ST14: variants seen among roughly 807,000 people sequenced by gnomAD.
ST14 encodes suppressor of tumorigenicity 14 protein.
Under a neutral mutation model 96.5 loss-of-function variants are expected in ST14, and 40 were observed. That is an observed-to-expected ratio of 0.41 (90% CI 0.32 to 0.54). The LOEUF (loss-of-function observed/expected upper bound fraction) is 0.54. ST14 is among the 20% of genes least tolerant of loss of function. ST14 has a pLI of 0.17. For synonymous variants in ST14, 506 were observed against 492.1 expected (o/e 1.03, Z -0.37); for missense variants, 1,066 against 1,188.9 (o/e 0.90, Z 1.52).
chr11:130,196,609 C>T lies in ST14; in HGVS notation c.1263C>T (p.Asn421=). ...GERSQFVVTS[N]SNKITVRFHS... The stretch of plus-strand genomic sequence containing the variant: ...GGTCCCAGTTCGTCGTCACCAGCAA[C>T]AGCAACAAGATCACAGTTCGCTTCC... Residue 421 remains asparagine, a synonymous_variant, in exon 11 of 19, where the codon AAC becomes AAT. Coordinates refer to ENST00000278742, the MANE Select transcript of ST14 (RefSeq NM_021978.4). The T allele has an allele frequency of 1.2e-6, 2 of 1,611,644 alleles. No homozygotes were observed. The highest frequency in any genetic ancestry group is 1.7e-6 in the Non-Finnish European group (2 of 1,179,144).
intron 8 of ST14, 37 bp downstream of exon 8, chr11:130,194,325 G>T (rs373259520): frequency 3.1e-6 from 5 of 1,613,494 alleles, no homozygotes; most frequent in Non-Finnish European, 4.2e-6. Context: ...CTGCCCTCGG[G>T]CCACAGAGAA....
Position 130,190,660 on chromosome 11 carries a change from ACCCTGAGC to A in ST14, c.845_852del (p.Leu282HisfsTer37). Reference sequence around the variant, plus strand: ...CAGCGACCTGGTGACGGTGTACAACACCCTGAGCCCCATGGAGCCCCACGCCCTGGTGC... The same window carrying A: ...CAGCGACCTGGTGACGGTGTACAACACCCATGGAGCCCCACGCCCTGGTGC... On this transcript the variant is annotated frameshift_variant, in exon 7 of 19. Transcript: ENST00000278742. LOFTEE classifies it high-confidence loss of function. 1 of 1,601,618 alleles carries A rather than the reference ACCCTGAGC, an allele frequency of 6.2e-7. No homozygotes were observed. Among genetic ancestry groups the A allele is most frequent in the Non-Finnish European group, 8.5e-7 (1 of 1,174,876 alleles).
At chr11:130,190,389 G>A in intron 6 of ST14, 65 bp from the exon 7 acceptor site, 1 of 1,597,388 alleles carries the variant, frequency 6.3e-7, no homozygotes, top group Non-Finnish European at 8.5e-7. Context: ...CGGGGTCTCA[G>A]GGTCCTCCCC....
intron 4 of ST14, 191 bp from the exon 5 acceptor site, chr11:130,189,548 C>A: frequency 1.5e-6 from 1 of 684,870 alleles, no homozygotes; most frequent in Non-Finnish European, 2.4e-6. Context: ...ACTGTGAGAG[C>A]AGAGGGCAAA....
In ST14 at chr11:130,194,184, C is replaced by T. The variant is rs150142904; in HGVS notation, c.911C>T (p.Thr304Ile). ...ACCTACCCTCCCTCCTACAACCTGACCTTCCACTCCTCCCAGAACGTCCTG... is the reference window on the plus strand; with the variant it reads ...ACCTACCCTCCCTCCTACAACCTGATCTTCCACTCCTCCCAGAACGTCCTG... ...CGTYPPSYNL[T>I]FHSSQNVLLI... Residue 304 changes from threonine (T) to isoleucine (I), a missense_variant, in exon 8 of 19, where the codon ACC (threonine) becomes ATC (isoleucine). Thr to Ile is a moderately conservative substitution (Grantham distance 89, BLOSUM62 -1). Coordinates refer to ENST00000278742, the MANE Select transcript of ST14 (RefSeq NM_021978.4). 1 of 1,614,122 alleles carries T rather than the reference C, an allele frequency of 6.2e-7. No individual in the cohort carries two copies. Among genetic ancestry groups the T allele is most frequent in the Non-Finnish European group, 8.5e-7 (1 of 1,180,048 alleles).
chr11:130,199,194 G>T (rs1953402787), intron 15 of ST14, 125 bp downstream of exon 15: 1 of 1,082,632 alleles, frequency 9.2e-7, no homozygotes, highest in East Asian at 2.7e-5. Flanking sequence ...GGGTGAGAGG[G>T]TGTGTCTCCT....
At position 130,194,166 on chromosome 11, in the gene ST14, C is replaced by G. The variant is rs772021263; in HGVS notation, c.893C>G (p.Pro298Arg). Residue 298 changes from proline (P) to arginine (R), a missense_variant, in exon 8 of 19, where the codon CCT becomes CGT. Coordinates refer to ENST00000278742, the MANE Select transcript of ST14 (RefSeq NM_021978.4). Reference sequence around the variant, plus strand: ...CCCCACAGGTTGTGTGGCACCTACCCTCCCTCCTACAACCTGACCTTCCAC... The same window carrying G: ...CCCCACAGGTTGTGTGGCACCTACCGTCCCTCCTACAACCTGACCTTCCAC... ...HALVQLCGTY[P>R]PSYNLTFHSS... 1 of 1,614,208 alleles carries G rather than the reference C, an allele frequency of 6.2e-7. No homozygotes were observed. The highest frequency in any genetic ancestry group is 8.5e-7 in the Non-Finnish European group (1 of 1,180,030).
intron 11 of ST14, among the ~76,000 whole-genome samples, chr11:130,197,161 A>G (rs1266540877): frequency 6.6e-6 from 1 of 152,236 alleles, no homozygotes; most frequent in Non-Finnish European, 1.5e-5. Context: ...GCGTCATAGA[A>G]TAACCTTGGG....
intron 10 of ST14, 48 bp downstream of exon 10, chr11:130,196,496 A>G (rs1591891788): frequency 1.9e-6 from 3 of 1,573,598 alleles, no homozygotes; most frequent in South Asian, 1.1e-5. Context: ...CTGCAGGGGG[A>G]GGGGTCCCAC....
In ST14 at chr11:130,180,430, T is replaced by C. The variant is rs533522092; in HGVS notation, c.82-7684T>C. Among the ~76,000 whole-genome samples the C allele has an allele frequency of 1.1e-4, 16 of 152,354 alleles. No individual in the cohort carries two copies. In the East Asian group the frequency reaches 3.1e-3, roughly 29 times the overall value. Reference sequence around the variant, plus strand: ...GAAGCTTCATTTTTCCCTGTCTGCTTTGGTTGGAATCTTGTGTGGCTTTGT... The same window carrying C: ...GAAGCTTCATTTTTCCCTGTCTGCTCTGGTTGGAATCTTGTGTGGCTTTGT... On this transcript the variant is annotated intron_variant, in intron 1 of 18. Coordinates refer to ENST00000278742, the MANE Select transcript of ST14 (RefSeq NM_021978.4).
intron 16 of ST14, among the ~76,000 whole-genome samples, chr11:130,205,952 C>T (rs914644644): frequency 4.6e-5 from 7 of 152,102 alleles, no homozygotes; most frequent in African/African-American, 1.7e-4. Context: ...TCGCCTGGGG[C>T]TCCCAAAGTG....
At chr11:130,192,362 G>T (rs868527377) in intron 7 of ST14, among the ~76,000 whole-genome samples, 1 of 152,162 alleles carries the variant, frequency 6.6e-6, no homozygotes, top group South Asian at 2.1e-4. Flanking sequence ...AAAGTCACTC[G>T]TCATCTTACT....
chr11:130,161,676 C>T (rs572364956), intron 1 of ST14, among the ~76,000 whole-genome samples: 81 of 152,308 alleles, frequency 5.3e-4, no homozygotes, highest in Non-Finnish European at 9.4e-4. Flanking sequence ...TCCTCCTCTG[C>T]GAAGCTCATT....
chr11:130,198,762 T>C, intron 14 of ST14, 141 bp downstream of exon 14: 4 of 1,392,872 alleles, frequency 2.9e-6, no homozygotes, highest in Non-Finnish European at 4.0e-6. Context: ...AGGGCTCTGG[T>C]TGGGGGAGAA....
chr11:130,188,490 T>C lies in ST14; in HGVS notation c.242-40T>C. 6.3e-7 allele frequency: 1 copy of C among 1,595,716 alleles called. No individual in the cohort carries two copies. The highest frequency in any genetic ancestry group is 8.5e-7 in the Non-Finnish European group (1 of 1,174,158). ...GACGGCGAGGGACAGGCGGGGGTGG[T>C]ACCACCTCCCCTGACTGAGCGCCTT... On this transcript the variant is annotated intron_variant, in intron 2 of 18. Coordinates refer to ENST00000278742, the MANE Select transcript of ST14 (RefSeq NM_021978.4). The surrounding 1 kb of genome is among the most constrained non-coding windows in gnomAD (Gnocchi z 5.4).
intron 7 of ST14, among the ~76,000 whole-genome samples, chr11:130,192,524 G>T (rs1953314627): frequency 6.6e-6 from 1 of 152,194 alleles, no homozygotes; most frequent in Admixed American, 6.5e-5. Context: ...GAGCAGCTGG[G>T]ATTACAGGCA....
At chr11:130,168,271 G>A (rs1270376625) in intron 1 of ST14, among the ~76,000 whole-genome samples, 2 of 152,216 alleles carry the variant, frequency 1.3e-5, no homozygotes, top group Non-Finnish European at 2.9e-5. Flanking sequence ...CAGACCTCTT[G>A]TGGGTTATGC....
chr11:130,160,394 AGGG>A (rs1952990506), intron 1 of ST14, among the ~76,000 whole-genome samples: 1 of 152,156 alleles, frequency 6.6e-6, no homozygotes, highest in Admixed American at 6.5e-5. Context: ...GGAAGAAACC[AGGG>A]GCTTGGAGTG....
At chr11:130,199,134 G>A in intron 15 of ST14, 65 bp downstream of exon 15, 1 of 1,541,756 alleles carries the variant, frequency 6.5e-7, no homozygotes, top group African/African-American at 1.4e-5. Flanking sequence ...ACCAGAGGGT[G>A]CACCTGGAGG....
Sources: allele counts gnomAD v4.1 joint callset (sites outside exome capture counted in the v4.1 genomes callset), GRCh38; gene constraint gnomAD v4.1.1; non-coding constraint Gnocchi (gnomAD v3.1); transcripts MANE v1.5; gene names NCBI Gene and HGNC (gene_info 2026-07-23, HGNC 2026-07-21).